The following CLNK variants were observed in gnomAD, a reference collection of about 807,000 sequenced individuals.
The protein encoded by CLNK is cytokine-dependent hematopoietic cell linker.
A neutral mutation model predicts 68.6 loss-of-function variants in CLNK; 74 were observed. The ratio of observed to expected loss-of-function variants is 1.08; its 90% CI spans 0.89 to 1.31. The LOEUF is 1.31. Among genes scored for constraint, CLNK ranks in the 50% most tolerant of loss-of-function variants. CLNK has a pLI of 0.00. For synonymous variants in CLNK, 198 were observed against 172.2 expected, an observed-to-expected ratio of 1.15 and a Z score of -1.17; for missense variants, 553 against 515.3, an observed-to-expected ratio of 1.07 and a Z score of -0.71.
the CLNK span, among the ~76,000 whole-genome samples, chr4:10,702,570 G>A: frequency 1.3e-5 from 2 of 152,212 alleles, no homozygotes; most frequent in African/African-American, 2.4e-5. Flanking sequence ...GCATCTTACA[G>A]CTGTGCTTAT....
chr4:10,523,983 C>T, intron 14 of CLNK: 1 of 368,500 alleles, frequency 2.7e-6, no homozygotes, highest in South Asian at 2.1e-5. Context: ...TGTGATTGTG[C>T]CACTACAAGA....
intron 14 of CLNK, among the ~76,000 whole-genome samples, chr4:10,522,266 A>C (rs1262775194): frequency 6.6e-6 from 1 of 150,454 alleles, no homozygotes; most frequent in Non-Finnish European, 1.5e-5. Context: ...TCAAAAAAAA[A>C]AAAAAAAAGA....
intron 4 of CLNK, among the ~76,000 whole-genome samples, chr4:10,573,889 A>C (rs758370227): frequency 3.9e-5 from 6 of 151,954 alleles, no homozygotes; most frequent in Non-Finnish European, 5.9e-5. Flanking sequence ...TTTGCTTCCC[A>C]AATGCTCATC....
chr4:10,672,384 G>A (rs184279974), intron 1 of CLNK, among the ~76,000 whole-genome samples: 1 of 152,226 alleles, frequency 6.6e-6, no homozygotes, highest in East Asian at 1.9e-4. Flanking sequence ...CTGAGCCTCC[G>A]TGTGCTTATC....
chr4:10,680,529 A>C (rs1560277180), intron 1 of CLNK, among the ~76,000 whole-genome samples: 2 of 152,306 alleles, frequency 1.3e-5, no homozygotes, highest in East Asian at 3.9e-4. Context: ...ATAATTAAAA[A>C]AGAAGACAAA....
intron 2 of CLNK, among the ~76,000 whole-genome samples, chr4:10,609,181 G>C (rs1721909136): frequency 6.6e-6 from 1 of 152,174 alleles, no homozygotes; most frequent in Non-Finnish European, 1.5e-5. Context: ...CATCCCCCCT[G>C]CTTCTCTTTT....
At chr4:10,582,383 A>G (rs1720814086) in intron 4 of CLNK, among the ~76,000 whole-genome samples, 1 of 152,172 alleles carries the variant, frequency 6.6e-6, no homozygotes, top group Non-Finnish European at 1.5e-5. Flanking sequence ...CCTTAGAAAA[A>G]CTTAAAAGTA....
the CLNK span, among the ~76,000 whole-genome samples, chr4:10,711,903 T>C: frequency 6.6e-6 from 1 of 152,184 alleles, no homozygotes; most frequent in South Asian, 2.1e-4. Flanking sequence ...TCAGAAATAC[T>C]CTTGGGGATT....
intron 4 of CLNK, among the ~76,000 whole-genome samples, chr4:10,584,666 A>T (rs1246410269): frequency 6.6e-6 from 1 of 152,208 alleles, no homozygotes; most frequent in Non-Finnish European, 1.5e-5. Context: ...ACTCAGGCTC[A>T]GAAAGATCTG....
In CLNK at chr4:10,532,938, A is replaced by C. The variant is rs186038834; in HGVS notation, c.603-655T>G. Among the ~76,000 whole-genome samples, 701 of 152,246 alleles carry C rather than the reference A, an allele frequency of 4.6e-3. 1 individual carries two copies. Among genetic ancestry groups the C allele is most frequent in the Middle Eastern group, 0.027 (8 of 294 alleles). On this transcript the variant is annotated intron_variant, in intron 11 of 18. Transcript: ENST00000226951. The stretch of plus-strand genomic sequence containing the variant: ...GCAACAAGAGTGCTCATGAGTGTTA[A>C]TGTGAGAATTGCTAGAAATAAAAAG...
chr4:10,569,178 CAA>C (rs1237435583), intron 5 of CLNK, among the ~76,000 whole-genome samples: 1 of 147,072 alleles, frequency 6.8e-6, no homozygotes, highest in African/African-American at 2.5e-5. Context: ...GTGAATTGGC[CAA>C]GACTGCCCTT....
At chr4:10,698,253 G>A in the CLNK span, among the ~76,000 whole-genome samples, 1 of 152,168 alleles carries the variant, frequency 6.6e-6, no homozygotes, top group Admixed American at 6.6e-5. Context: ...TTTCAAACTA[G>A]CAATTATAGG....
At chr4:10,718,475 A>G in the CLNK span, among the ~76,000 whole-genome samples, 1 of 141,326 alleles carries the variant, frequency 7.1e-6, no homozygotes, top group East Asian at 2.0e-4. Flanking sequence ...GACCAGAAAA[A>G]AAGTGGCACA....
intron 2 of CLNK, among the ~76,000 whole-genome samples, chr4:10,617,320 T>C (rs1332436450): frequency 3.3e-5 from 5 of 152,232 alleles, no homozygotes; most frequent in Non-Finnish European, 5.9e-5. Flanking sequence ...TAGCTGGAGA[T>C]ATAAAACTGG....
chr4:10,529,548 C>A (rs1304990265), intron 12 of CLNK, among the ~76,000 whole-genome samples: 1 of 152,174 alleles, frequency 6.6e-6, no homozygotes, highest in Non-Finnish European at 1.5e-5. Context: ...CTTTGGCATT[C>A]CCTAGGATTC....
intron 2 of CLNK, among the ~76,000 whole-genome samples, chr4:10,657,431 C>G (rs1425932750): frequency 6.6e-6 from 1 of 152,044 alleles, no homozygotes; most frequent in Non-Finnish European, 1.5e-5. Flanking sequence ...TTCTTTATGC[C>G]TTATGCATAT....
chr4:10,636,574 G>T (rs781582275), intron 2 of CLNK, among the ~76,000 whole-genome samples: 29 of 152,132 alleles, frequency 1.9e-4, no homozygotes, highest in Non-Finnish European at 3.1e-4. Flanking sequence ...ATAAGCAAAT[G>T]AATCATGGGA....
intron 15 of CLNK, among the ~76,000 whole-genome samples, chr4:10,519,821 CTG>C (rs758512486): frequency 1.4e-4 from 21 of 149,078 alleles, no homozygotes; most frequent in South Asian, 1.1e-3. Context: ...AGGCAGAGGG[CTG>C]TGTGTGTGTG....
At chr4:10,611,276 G>A (rs1722006565) in intron 2 of CLNK, among the ~76,000 whole-genome samples, 2 of 152,106 alleles carry the variant, frequency 1.3e-5, no homozygotes, top group Non-Finnish European at 2.9e-5. Flanking sequence ...CAAGATCACA[G>A]TACTGCACTC....
Sources: gnomAD v4.1 joint callset for allele counts (sites outside exome capture counted in the v4.1 genomes callset) on GRCh38, gnomAD v4.1.1 for gene constraint, MANE v1.5 for transcripts, NCBI Gene and HGNC (gene_info 2026-07-23, HGNC 2026-07-21) for gene names.